The following GRIP1 variants were observed in gnomAD, a reference collection of about 807,000 sequenced individuals.
GRIP1 encodes glutamate receptor-interacting protein 1.
In GRIP1, 45 loss-of-function variants were observed where a neutral mutation model predicts 129.9. The observed-to-expected ratio is 0.35, with a 90% CI of 0.27 to 0.44. The LOEUF is 0.44. GRIP1 is among the 20% of genes least tolerant of loss of function. The pLI, the probability that GRIP1 is intolerant of heterozygous loss-of-function variation, is 1.00. For missense variants in GRIP1, 1,196 were observed against 1,396.8 expected, an observed-to-expected ratio of 0.86 and a Z score of 2.29; for synonymous variants, 530 against 520.8, an observed-to-expected ratio of 1.02 and a Z score of -0.24.
At chr12:66,765,241 C>G (rs530946334) in intron 1 of GRIP1, among the ~76,000 whole-genome samples, 23 of 152,214 alleles carry the variant, frequency 1.5e-4, no homozygotes, top group African/African-American at 4.8e-4. Flanking sequence ...TTGAAGATGA[C>G]CTCGGAGTCA....
At chr12:66,357,239 C>T (rs1457702120) in intron 23 of GRIP1, among the ~76,000 whole-genome samples, 2 of 152,092 alleles carry the variant, frequency 1.3e-5, no homozygotes, top group Non-Finnish European at 2.9e-5. Context: ...CACACACTAC[C>T]TCTGTGTTAA....
At chr12:66,808,601 TTTTG>T (rs1159386633), upstream of GRIP1, among the ~76,000 whole-genome samples, 1 of 147,270 alleles carries the variant, frequency 6.8e-6, no homozygotes, top group African/African-American at 2.6e-5. Flanking sequence ...TTCTGTTTTG[TTTTG>T]TTTTTTTTTA....
rs1434639509 is a variant in GRIP1 at position 66,900,110 on chromosome 12, G to A, written c.58+168940C>T. Among the ~76,000 whole-genome samples the A allele has an allele frequency of 2.6e-5, 4 of 152,308 alleles. No individual in the cohort carries two copies. The East Asian group carries it at 7.7e-4, about 29-fold the overall frequency. On this transcript the variant is annotated intron_variant, in intron 1 of 1. Transcript: ENST00000643019. ...AGAGTTGGGAGAAGTAAAGAGATTGGTGAAGCAGGAATAGATGTTTTTGTA... is the reference window on the plus strand; with the variant it reads ...AGAGTTGGGAGAAGTAAAGAGATTGATGAAGCAGGAATAGATGTTTTTGTA...
chr12:66,970,793 T>C lies in GRIP1; in HGVS notation c.58+98257A>G, dbSNP rs913957126. ...CTTTACAAATGTTTCTTAACCTTTT[T>C]CCTCCTTCCTTAGTTGACACAGGAA... On this transcript the variant is annotated intron_variant, in intron 1 of 1. Coordinates refer to the GRIP1 transcript ENST00000643019. Among the ~76,000 whole-genome samples the C allele has an allele frequency of 3.1e-4, 47 of 152,186 alleles. 2 individuals carry two copies. The highest frequency in any genetic ancestry group is 1.2e-4 in the Non-Finnish European group (8 of 68,024).
intron 1 of GRIP1, among the ~76,000 whole-genome samples, chr12:66,802,605 G>T (rs2038889419): frequency 6.6e-6 from 1 of 152,054 alleles, no homozygotes; most frequent in South Asian, 2.1e-4. Context: ...GAGAAATATT[G>T]TTCAATTCTG....
chr12:66,531,168 G>A (rs1331175682), intron 4 of GRIP1, among the ~76,000 whole-genome samples: 14 of 150,002 alleles, frequency 9.3e-5, no homozygotes, highest in South Asian at 4.2e-4. Flanking sequence ...CCGCGGGGGC[G>A]GAGGTTGCAG....
At chr12:67,056,918 C>T (rs1365064277) in intron 1 of GRIP1, among the ~76,000 whole-genome samples, 2 of 152,136 alleles carry the variant, frequency 1.3e-5, no homozygotes, top group African/African-American at 4.8e-5. Context: ...TCAAGCGATT[C>T]TCCTGCCTCA....
intron 7 of GRIP1, among the ~76,000 whole-genome samples, chr12:66,489,565 A>G (rs1181302493): frequency 6.6e-6 from 1 of 152,220 alleles, no homozygotes; most frequent in East Asian, 1.9e-4. Context: ...CAAGACAAGG[A>G]TGCCCTCTCT....
chr12:66,635,956 C>G (rs1170225552), intron 1 of GRIP1, among the ~76,000 whole-genome samples: 1 of 152,100 alleles, frequency 6.6e-6, no homozygotes, highest in African/African-American at 2.4e-5. Context: ...TTTGTACACC[C>G]GTGTTCATAG....
At chr12:67,037,801 A>G (rs997731161) in intron 1 of GRIP1, among the ~76,000 whole-genome samples, 1 of 152,196 alleles carries the variant, frequency 6.6e-6, no homozygotes, top group African/African-American at 2.4e-5. Context: ...TCTGTATTAT[A>G]TTTAGTCTGT....
chr12:66,725,256 T>C (rs1241170965), intron 1 of GRIP1, among the ~76,000 whole-genome samples: 1 of 152,062 alleles, frequency 6.6e-6, no homozygotes, highest in Non-Finnish European at 1.5e-5. Flanking sequence ...TGAGTCATGA[T>C]CACGCCACTG....
rs559811844 is a variant in GRIP1, at chr12:66,692,624, G to A, written c.-419-62288C>T. On this transcript the variant is annotated intron_variant, in intron 1 of 4. Transcript: ENST00000538373. ...ATGAGATGGATTTTACAGAAGACCT[G>A]GGGCTGACTGCATTTGGTCAGAAGT... is the stretch of plus-strand genomic sequence containing the variant. Among the ~76,000 whole-genome samples, 18 of 152,304 alleles carry A rather than the reference G, an allele frequency of 1.2e-4. No homozygotes were observed. In the South Asian group the frequency reaches 3.7e-3, roughly 32 times the overall value.
chr12:66,569,183 T>A (rs1249257987), intron 2 of GRIP1: 1 of 226,256 alleles, frequency 4.4e-6, no homozygotes, highest in African/African-American at 2.4e-5. Flanking sequence ...TCAAGATTTG[T>A]AGGTGGGCAT....
chr12:66,819,861 C>T (rs922317540), intron 1 of GRIP1, among the ~76,000 whole-genome samples: 2 of 152,206 alleles, frequency 1.3e-5, no homozygotes, highest in African/African-American at 4.8e-5. Flanking sequence ...CAGAGAATCA[C>T]TACTCTTACT....
chr12:66,411,054 C>T (rs182532106), intron 15 of GRIP1, among the ~76,000 whole-genome samples: 9 of 152,284 alleles, frequency 5.9e-5, no homozygotes, highest in African/African-American at 1.9e-4. Flanking sequence ...GTTCAGTTGA[C>T]TTAGCCTTTC....
chr12:66,703,150 G>A (rs1000681294), intron 1 of GRIP1, among the ~76,000 whole-genome samples: 1 of 152,084 alleles, frequency 6.6e-6, no homozygotes, highest in Non-Finnish European at 1.5e-5. Context: ...GCAAAGATAT[G>A]GTGCCTTGAC....
chr12:66,528,841 GAGA>G (rs2061351440), intron 5 of GRIP1, among the ~76,000 whole-genome samples: 2 of 152,056 alleles, frequency 1.3e-5, no homozygotes. Context: ...ATTTAAAGAA[GAGA>G]AGATTTTTCT....
chr12:66,934,991 G>T (rs1338723055), intron 1 of GRIP1, among the ~76,000 whole-genome samples: 1 of 152,192 alleles, frequency 6.6e-6, no homozygotes, highest in African/African-American at 2.4e-5. Flanking sequence ...ATTTAAATGT[G>T]TCTACAATGC....
chr12:66,948,931 A>C (rs1248553621), intron 1 of GRIP1, among the ~76,000 whole-genome samples: 1 of 152,204 alleles, frequency 6.6e-6, no homozygotes, highest in Non-Finnish European at 1.5e-5. Context: ...ATTTTAAACC[A>C]ATGTTAGAGA....
Sources: gnomAD v4.1 joint callset for allele counts (sites outside exome capture counted in the v4.1 genomes callset) on GRCh38, gnomAD v4.1.1 for gene constraint, MANE v1.5 for transcripts, NCBI Gene and HGNC (gene_info 2026-07-23, HGNC 2026-07-21) for gene names.